Variants in KAZN observed in about 807,000 individuals in gnomAD.
KAZN encodes kazrin, periplakin interacting protein.
KAZN carries 40 observed loss-of-function variants against 87.4 expected under a neutral mutation model. The observed-to-expected ratio is 0.46, with a 90% CI of 0.36 to 0.60. KAZN has a LOEUF of 0.60. Ranked by LOEUF, KAZN falls within the 20% of genes least tolerant of loss-of-function variation. The pLI, the probability that KAZN is intolerant of heterozygous loss-of-function variation, is 0.00. For synonymous variants in KAZN, 466 were observed against 458.3 expected, an observed-to-expected ratio of 1.02 and a Z score of -0.22; for missense variants, 898 against 1,073.9, an observed-to-expected ratio of 0.84 and a Z score of 2.29.
chr1:14,267,959 C>T (rs145384443), intron 2 of KAZN, among the ~76,000 whole-genome samples: 146 of 151,904 alleles, frequency 9.6e-4, no homozygotes, highest in Non-Finnish European at 1.7e-3. Flanking sequence ...GACTCTGTCT[C>T]GAAAAGAAAA....
intron 2 of KAZN, among the ~76,000 whole-genome samples, chr1:14,577,422 G>C (rs954333824): frequency 6.6e-6 from 1 of 152,176 alleles, no homozygotes; most frequent in Non-Finnish European, 1.5e-5. Flanking sequence ...GACACCCTCA[G>C]CTTGGAAATG....
Position 15,099,732 on chromosome 1 carries a change from CTG to C in KAZN, c.1548-1810_1548-1809del, listed in dbSNP as rs1380708496. Among the ~76,000 whole-genome samples, 2 of 152,126 alleles carry C rather than the reference CTG, an allele frequency of 1.3e-5. No homozygotes were observed. The highest frequency in any genetic ancestry group is 2.9e-5 in the Non-Finnish European group (2 of 68,016). ...TTGAGCAGGGGAGTGCACGGTCACA[CTG>C]ACATTTTAAAAGGACCCCCTGGTGG... On this transcript the variant is annotated intron_variant, in intron 10 of 14. Coordinates refer to ENST00000376030, the MANE Select transcript of KAZN (RefSeq NM_201628.3). This position sits in a 1 kb window ranked among gnomAD's most constrained non-coding sequence, Gnocchi z 5.4.
At chr1:14,292,687 C>T (rs554380178) in intron 2 of KAZN, among the ~76,000 whole-genome samples, 7 of 152,312 alleles carry the variant, frequency 4.6e-5, no homozygotes, top group African/African-American at 1.7e-4. Flanking sequence ...AATGTGCTCC[C>T]GCCTCCCCAC....
rs371666222 is a variant in KAZN at position 13,968,397 on chromosome 1, G to A, written c.91+74641G>A. Among the ~76,000 whole-genome samples, 10 of 152,226 alleles carry A rather than the reference G, an allele frequency of 6.6e-5. No homozygotes were observed. The East Asian group carries it at 1.2e-3, about 18-fold the overall frequency. ...CTTGGAACTTCCACTGTGGATCCCC[G>A]ACAGGCAAAATGGGCTTGAAGCCAT... is the stretch of plus-strand genomic sequence containing the variant. On this transcript the variant is annotated intron_variant, in intron 1 of 16. Coordinates refer to the KAZN transcript ENST00000636203.
At chr1:14,473,356 T>A (rs1668551891) in intron 2 of KAZN, among the ~76,000 whole-genome samples, 1 of 152,106 alleles carries the variant, frequency 6.6e-6, no homozygotes, top group Non-Finnish European at 1.5e-5. Flanking sequence ...TGGCTGGGCG[T>A]GGTGGCTCAC....
chr1:14,535,683 T>A (rs557624999), intron 2 of KAZN, among the ~76,000 whole-genome samples: 1 of 151,164 alleles, frequency 6.6e-6, no homozygotes, highest in Admixed American at 6.6e-5. Context: ...AAAATAAAAA[T>A]AAAAAATAAA....
chr1:14,670,345 T>C (rs1015921159), intron 1 of KAZN, among the ~76,000 whole-genome samples: 1 of 151,928 alleles, frequency 6.6e-6, no homozygotes. Flanking sequence ...GGAAGCCTCG[T>C]TGAAAACAGG....
At chr1:14,560,941 G>C (rs1571936475) in intron 2 of KAZN, among the ~76,000 whole-genome samples, 1 of 152,140 alleles carries the variant, frequency 6.6e-6, no homozygotes, top group African/African-American at 2.4e-5. Flanking sequence ...CTGGCTAATG[G>C]CATACTATGT....
At chr1:14,549,759 C>G (rs998924112) in intron 2 of KAZN, among the ~76,000 whole-genome samples, 4 of 146,634 alleles carry the variant, frequency 2.7e-5, no homozygotes, top group African/African-American at 1.0e-4. Flanking sequence ...GTTCGGTCTT[C>G]CCACCAGCGA....
intron 1 of KAZN, among the ~76,000 whole-genome samples, chr1:14,940,876 A>C (rs1660982263): frequency 6.9e-6 from 1 of 144,170 alleles, no homozygotes; most frequent in Non-Finnish European, 1.5e-5. Context: ...GGAAATGACC[A>C]GACAGATGTC....
At chr1:14,238,195 A>G (rs1648601871) in intron 2 of KAZN, among the ~76,000 whole-genome samples, 1 of 152,154 alleles carries the variant, frequency 6.6e-6, no homozygotes, top group Non-Finnish European at 1.5e-5. Context: ...TAAATGAGAT[A>G]ATCTAGGTAA....
At chr1:14,004,832 G>A (rs2101159720) in intron 1 of KAZN, among the ~76,000 whole-genome samples, 1 of 152,282 alleles carries the variant, frequency 6.6e-6, no homozygotes, top group African/African-American at 2.4e-5. Flanking sequence ...CTCAGGAATG[G>A]ATTAATGGGT....
At chr1:14,355,459 G>C (rs1431336767) in intron 2 of KAZN, among the ~76,000 whole-genome samples, 1 of 151,364 alleles carries the variant, frequency 6.6e-6, no homozygotes, top group Non-Finnish European at 1.5e-5. Context: ...TAAGTTCTGA[G>C]ATACATGTGC....
At chr1:14,539,512 G>T (rs935134279) in intron 2 of KAZN, among the ~76,000 whole-genome samples, 1 of 152,106 alleles carries the variant, frequency 6.6e-6, no homozygotes, top group Non-Finnish European at 1.5e-5. Flanking sequence ...CTGGGTGAAG[G>T]GGTCTATGGA....
intron 2 of KAZN, among the ~76,000 whole-genome samples, chr1:14,217,193 T>C (rs1448646328): frequency 6.6e-6 from 1 of 152,220 alleles, no homozygotes; most frequent in Non-Finnish European, 1.5e-5. Context: ...GATATTGGAC[T>C]TTCCAGCCTT....
intron 2 of KAZN, among the ~76,000 whole-genome samples, chr1:14,452,928 C>A (rs992712727): frequency 5.9e-5 from 9 of 152,252 alleles, no homozygotes; most frequent in Non-Finnish European, 7.4e-5. Context: ...CCAATCCACA[C>A]TCTTCTTGAA....
intron 1 of KAZN, among the ~76,000 whole-genome samples, chr1:14,166,684 T>G (rs919836194): frequency 7.2e-5 from 11 of 152,242 alleles, no homozygotes; most frequent in Admixed American, 7.2e-4. Flanking sequence ...TTTAACAAAT[T>G]TTGACTTTTT....
chr1:14,592,614 G>A (rs891279212), intron 2 of KAZN, among the ~76,000 whole-genome samples: 3 of 152,298 alleles, frequency 2.0e-5, no homozygotes, highest in Non-Finnish European at 2.9e-5. Context: ...CCAGAGGCTT[G>A]TGGCTAGAGC....
At chr1:14,970,796 C>A (rs749505280) in intron 2 of KAZN, among the ~76,000 whole-genome samples, 1 of 152,210 alleles carries the variant, frequency 6.6e-6, no homozygotes, top group Non-Finnish European at 1.5e-5. Context: ...TGCACAGACA[C>A]CCTCTAGCAC....
Sources: allele counts gnomAD v4.1 joint callset (sites outside exome capture counted in the v4.1 genomes callset), GRCh38; gene constraint gnomAD v4.1.1; non-coding constraint Gnocchi (gnomAD v3.1); transcripts MANE v1.5; gene names NCBI Gene and HGNC (gene_info 2026-07-23, HGNC 2026-07-21).